The following CTNNA2 variants were observed in gnomAD, a reference collection of about 807,000 sequenced individuals.
CTNNA2 encodes the protein catenin alpha 2, also known as catenin alpha-2.
Under a neutral mutation model 101.0 loss-of-function variants are expected in CTNNA2, and 42 were observed. The observed-to-expected ratio is 0.42, with a 90% CI of 0.32 to 0.54. The LOEUF is 0.54. Among genes scored for constraint, CTNNA2 ranks in the 20% least tolerant of loss-of-function variants. CTNNA2 has a pLI of 0.14. For missense variants in CTNNA2, 871 were observed against 1,223.1 expected (o/e 0.71, Z 4.29); for synonymous variants, 450 against 456.4 (o/e 0.99, Z 0.18).
chr2:79,593,828 G>A (rs1021353924), intron 1 of CTNNA2, among the ~76,000 whole-genome samples: 17 of 150,460 alleles, frequency 1.1e-4, no homozygotes, highest in African/African-American at 3.7e-4. Context: ...TGGTATCATT[G>A]CTAACACATG....
intron 2 of CTNNA2, among the ~76,000 whole-genome samples, chr2:79,302,720 T>C (rs944619269): frequency 3.9e-5 from 6 of 152,186 alleles, no homozygotes; most frequent in African/African-American, 1.4e-4. Flanking sequence ...TAATATGAAT[T>C]GAGTGTCTAT....
chr2:79,520,444 T>C (rs1371725089), intron 1 of CTNNA2, among the ~76,000 whole-genome samples: 2 of 152,190 alleles, frequency 1.3e-5, no homozygotes, highest in Non-Finnish European at 2.9e-5. Context: ...GATGTTGGAT[T>C]AGGCAAAGAT....
intron 2 of CTNNA2, among the ~76,000 whole-genome samples, chr2:79,207,440 C>T (rs1252807134): frequency 1.3e-5 from 2 of 152,104 alleles, no homozygotes; most frequent in African/African-American, 2.4e-5. Context: ...GAAAATTTGT[C>T]GTGACATTGA....
At chr2:80,642,962 G>GA (rs1414397718) in intron 18 of CTNNA2, among the ~76,000 whole-genome samples, 2 of 151,884 alleles carry the variant, frequency 1.3e-5, no homozygotes, top group African/African-American at 2.4e-5. Context: ...AGAGGCAGGG[G>GA]AAAAAAAGAC....
intron 7 of CTNNA2, among the ~76,000 whole-genome samples, chr2:80,072,497 CT>C (rs1354369167): frequency 5.6e-4 from 86 of 152,252 alleles, no homozygotes; most frequent in African/African-American, 2.0e-3. Context: ...AAGATTTTGT[CT>C]CTGTTTCTCC....
chr2:79,590,698 C>T (rs898494434), intron 1 of CTNNA2, among the ~76,000 whole-genome samples: 1 of 151,852 alleles, frequency 6.6e-6, no homozygotes, highest in South Asian at 2.1e-4. Flanking sequence ...GAAATATTGG[C>T]CCTTTTACGT....
At chr2:79,376,904 G>A (rs1324144759) in intron 4 of CTNNA2, among the ~76,000 whole-genome samples, 1 of 152,144 alleles carries the variant, frequency 6.6e-6, no homozygotes, top group Non-Finnish European at 1.5e-5. Flanking sequence ...ATTTGGCTTG[G>A]TTCCAAGTCT....
At chr2:79,442,636 A>G (rs1678788756) in intron 4 of CTNNA2, among the ~76,000 whole-genome samples, 1 of 152,172 alleles carries the variant, frequency 6.6e-6, no homozygotes, top group South Asian at 2.1e-4. Flanking sequence ...ATTAGATGCA[A>G]TAGGCAAATA....
intron 7 of CTNNA2, among the ~76,000 whole-genome samples, chr2:80,061,337 C>T (rs1697586970): frequency 1.3e-5 from 2 of 152,040 alleles, no homozygotes; most frequent in African/African-American, 4.8e-5. Context: ...AAGGAAAAAA[C>T]TGTATCTTTT....
intron 7 of CTNNA2, among the ~76,000 whole-genome samples, chr2:80,041,089 T>C (rs931000911): frequency 2.0e-5 from 3 of 152,002 alleles, no homozygotes; most frequent in Non-Finnish European, 4.4e-5. Context: ...ATATATGTCA[T>C]TAACAATATA....
At chr2:80,559,808 A>G (rs988321003) in intron 12 of CTNNA2, among the ~76,000 whole-genome samples, 8 of 151,764 alleles carry the variant, frequency 5.3e-5, no homozygotes, top group African/African-American at 1.9e-4. Context: ...ATCTTCATAG[A>G]TCTCGTTTAC....
chr2:79,665,231 C>G (rs1413183457), intron 2 of CTNNA2, among the ~76,000 whole-genome samples: 1 of 152,110 alleles, frequency 6.6e-6, no homozygotes, highest in Non-Finnish European at 1.5e-5. Flanking sequence ...ATGCTGCCTT[C>G]TGATTTTTTG....
intron 1 of CTNNA2, among the ~76,000 whole-genome samples, chr2:79,646,254 G>A (rs2104447247): frequency 6.6e-6 from 1 of 152,306 alleles, no homozygotes; most frequent in East Asian, 1.9e-4. Context: ...TGGGGTATGG[G>A]AACTCGAGTC....
chr2:79,609,592 A>T (rs1678131165), intron 1 of CTNNA2, among the ~76,000 whole-genome samples: 1 of 152,258 alleles, frequency 6.6e-6, no homozygotes, highest in Non-Finnish European at 1.5e-5. Context: ...GTTGACATCA[A>T]GCTAGACAAA....
At chr2:80,403,221 A>G (rs991809949) in intron 8 of CTNNA2, among the ~76,000 whole-genome samples, 1 of 152,194 alleles carries the variant, frequency 6.6e-6, no homozygotes, top group Non-Finnish European at 1.5e-5. Context: ...TGTTTTCTTC[A>G]TCATGGACGA....
chr2:79,818,518 T>C (rs1057091663), intron 3 of CTNNA2, among the ~76,000 whole-genome samples: 2 of 151,552 alleles, frequency 1.3e-5, no homozygotes, highest in African/African-American at 4.8e-5. Context: ...GGTTTCACCA[T>C]GTTGGCCAGT....
chr2:79,737,685 C>A (rs1230924819), intron 2 of CTNNA2, among the ~76,000 whole-genome samples: 2 of 152,106 alleles, frequency 1.3e-5, no homozygotes, highest in African/African-American at 4.8e-5. Context: ...TCTAACAAGC[C>A]TATATAACAC....
intron 1 of CTNNA2, among the ~76,000 whole-genome samples, chr2:79,557,939 G>T (rs1428610657): frequency 1.3e-5 from 2 of 151,882 alleles, no homozygotes; most frequent in African/African-American, 2.4e-5. Context: ...TGACAGTTGG[G>T]CTTGATGTTG....
intron 7 of CTNNA2, among the ~76,000 whole-genome samples, chr2:80,020,647 C>T (rs914077802): frequency 2.0e-5 from 3 of 152,180 alleles, no homozygotes; most frequent in African/African-American, 4.8e-5. Flanking sequence ...CAGAGAACCC[C>T]TTTTCAGGTA....
Sources: allele counts gnomAD v4.1 joint callset (sites outside exome capture counted in the v4.1 genomes callset), GRCh38; gene constraint gnomAD v4.1.1; transcripts MANE v1.5; gene names NCBI Gene and HGNC (gene_info 2026-07-23, HGNC 2026-07-21).